PARP4: variants seen among roughly 807,000 people sequenced by gnomAD.
The protein encoded by PARP4 is poly(ADP-ribose) polymerase family member 4.
A neutral mutation model predicts 187.7 loss-of-function variants in PARP4; 120 were observed. The ratio of observed to expected loss-of-function variants is 0.64; its 90% CI spans 0.55 to 0.74. The LOEUF (loss-of-function observed/expected upper bound fraction) is 0.74. PARP4 is among the 30% of genes least tolerant of loss of function. The probability of loss-of-function intolerance (pLI) is 0.00; values close to 1 mark genes in which losing one functional copy is unlikely to be tolerated. For missense variants in PARP4, 1,836 were observed against 2,070.5 expected, an observed-to-expected ratio of 0.89 and a Z score of 2.20; for synonymous variants, 654 against 740.9, an observed-to-expected ratio of 0.88 and a Z score of 1.90.
At chr13:24,462,573 T>A (rs899472034) in intron 17 of PARP4, among the ~76,000 whole-genome samples, 2 of 152,168 alleles carry the variant, frequency 1.3e-5, no homozygotes, top group East Asian at 1.9e-4. Context: ...AATGTCAAGA[T>A]AAAGCAATTA....
Position 24,455,164 on chromosome 13 carries a change from G to T in PARP4, c.2611C>A (p.Leu871Ile), listed in dbSNP as rs756197856. Residue 871 changes from leucine (L) to isoleucine (I), a missense_variant, in exon 22 of 34, where the codon CTA (leucine) becomes ATA (isoleucine). Physicochemically the swap from Leu to Ile is conservative, Grantham distance 5. Transcript: ENST00000381989. ...QPDLDVDLPDLASESEVIICL... is the reference protein window; with the variant it reads ...QPDLDVDLPDIASESEVIICL... ...ATAATCACTTCGCTCTCACTGGCTAGGTCAGGGAGGTCGACATCGAGATCG... is the reference window on the plus strand; with the variant it reads ...ATAATCACTTCGCTCTCACTGGCTATGTCAGGGAGGTCGACATCGAGATCG... 49 of 1,603,208 alleles carry T rather than the reference G, an allele frequency of 3.1e-5. No homozygotes were observed. Among genetic ancestry groups the T allele is most frequent in the Non-Finnish European group, 4.1e-5 (48 of 1,171,362 alleles).
rs530637126 is a variant in PARP4, at chr13:24,456,815, G to A, written c.2425-337C>T. On this transcript the variant is annotated intron_variant, in intron 20 of 33. Coordinates refer to ENST00000381989, the MANE Select transcript of PARP4 (RefSeq NM_006437.4). ...GTCAGGAGGCTGAGGCAGGAGAATCGCTTGAACCCAGGAGGTAAAGGTTGC... is the reference window on the plus strand; with the variant it reads ...GTCAGGAGGCTGAGGCAGGAGAATCACTTGAACCCAGGAGGTAAAGGTTGC... Among the ~76,000 whole-genome samples, 4 of 152,140 alleles carry A rather than the reference G, an allele frequency of 2.6e-5. No individual in the cohort carries two copies. The South Asian group carries it at 6.2e-4, about 24-fold the overall frequency.
In PARP4 at chr13:24,452,436, G is replaced by A. The variant is rs143295364; in HGVS notation, c.2984C>T (p.Pro995Leu). The change falls in exon 24 of 34, where the codon CCG becomes CTG. Residue 995 changes from proline to leucine, a missense_variant. Physicochemically the swap from Pro to Leu is moderately conservative, Grantham distance 98. This residue lies in a region of PARP4 where 1,147 missense variants were observed against 1,214.2 expected (regional missense o/e 0.94). Coordinates refer to ENST00000381989, the MANE Select transcript of PARP4 (RefSeq NM_006437.4). Reference protein sequence around the residue: ...LTLQLVKRSRPHTRLFACGIG... With the variant: ...LTLQLVKRSRLHTRLFACGIG... ...ACCGCAGGCGAATAACCTGGTGTGC[G>A]GGCGGCTCCTCTTCACGAGCTGTAA... 292 of 1,613,748 alleles carry A rather than the reference G, an allele frequency of 1.8e-4. No homozygotes were observed. In the African/African-American group the frequency reaches 2.9e-3, roughly 16 times the overall value.
rs546758135 is a variant in PARP4 at position 24,425,340 on chromosome 13, T to C, written c.4979+1126A>G. ...TAAATATCAATCTTATGCATTATTA[T>C]GTAAAATATTTACACAGTTCCAAAG... On this transcript the variant is annotated intron_variant, in intron 33 of 33. Transcript: ENST00000381989. Among the ~76,000 whole-genome samples, 255 of 152,310 alleles carry C rather than the reference T, an allele frequency of 1.7e-3. 2 individuals carry two copies. Among genetic ancestry groups the C allele is most frequent in the African/African-American group, 5.9e-3 (244 of 41,572 alleles).
intron 31 of PARP4, among the ~76,000 whole-genome samples, chr13:24,433,183 A>G (rs1446337729): frequency 6.6e-6 from 1 of 152,202 alleles, no homozygotes; most frequent in Non-Finnish European, 1.5e-5. Context: ...AAGTAGCAGA[A>G]TATGTTCCAT....
intron 15 of PARP4, among the ~76,000 whole-genome samples, chr13:24,470,536 C>T (rs555010728): frequency 6.6e-6 from 1 of 152,244 alleles, no homozygotes; most frequent in African/African-American, 2.4e-5. Flanking sequence ...CTCCACTACT[C>T]TCTGTTGTCT....
intron 20 of PARP4, among the ~76,000 whole-genome samples, chr13:24,458,411 G>GT (rs202018235): frequency 0.12 from 17,795 of 144,662 alleles, 1,156 homozygotes; most frequent in African/African-American, 0.16. Flanking sequence ...ACTCAGCCAA[G>GT]TTTTTTTTTT....
At chr13:24,474,343 G>A in intron 15 of PARP4, among the ~76,000 whole-genome samples, 1 of 125,866 alleles carries the variant, frequency 7.9e-6, no homozygotes, top group African/African-American at 2.7e-5. Context: ...ATGTGACGTT[G>A]GGCCTGCTGT....
chr13:24,494,405 G>A (rs750976194), intron 7 of PARP4, among the ~76,000 whole-genome samples, 168 bp downstream of exon 7: 3 of 152,136 alleles, frequency 2.0e-5, no homozygotes, highest in African/African-American at 4.8e-5. Context: ...TGTTGCCAAG[G>A]CTGGTCTTGA....
intron 17 of PARP4, 100 bp from the exon 18 acceptor site, chr13:24,460,236 C>T (rs1872141830): frequency 3.1e-6 from 3 of 954,008 alleles, no homozygotes; most frequent in Non-Finnish European, 4.8e-6. Context: ...TGACAACCTG[C>T]CAAATTCTTC....
intron 25 of PARP4, 23 bp downstream of exon 25, chr13:24,449,695 A>G: frequency 3.3e-6 from 4 of 1,195,338 alleles, no homozygotes; most frequent in Non-Finnish European, 5.0e-6. Context: ...ATAAATATAA[A>G]ACCAGATGTT....
At position 24,435,467 on chromosome 13, in the gene PARP4, A is replaced by G. The variant is rs1212118726; in HGVS notation, c.3674T>C (p.Leu1225Ser). The G allele has an allele frequency of 1.3e-5, 20 of 1,586,258 alleles. No individual in the cohort carries two copies. The highest frequency in any genetic ancestry group is 1.8e-5 in the Admixed American group (1 of 54,292). Residue 1225 changes from leucine to serine, a missense_variant, in exon 31 of 34, where the codon TTA (leucine) becomes TCA (serine). Coordinates refer to ENST00000381989, the MANE Select transcript of PARP4 (RefSeq NM_006437.4). ...PQEAVRNQSL[L>S]ASSEWPELRL... Reference sequence around the variant, plus strand: ...TAATTCTGGCCACTCAGAGGATGCTAAAAGAGACTGCCCAGAAGACAGAAT... The same window carrying G: ...TAATTCTGGCCACTCAGAGGATGCTGAAAGAGACTGCCCAGAAGACAGAAT...
At position 24,492,497 on chromosome 13, in the gene PARP4, C is replaced by T. The variant is rs1868714386; in HGVS notation, c.977G>A (p.Arg326Lys). 12 of 1,613,890 alleles carry T rather than the reference C, an allele frequency of 7.4e-6. No homozygotes were observed. The highest frequency in any genetic ancestry group is 9.3e-6 in the Non-Finnish European group (11 of 1,179,892). ...QLQKMMTEFY[R>K]LIPHKGTMPK... ...CATTGTGCCTTTGTGAGGTATCAGT[C>T]TGTAAAACTCTGTCATCATCTTTTG... Residue 326 changes from arginine (R) to lysine (K), a missense_variant, in exon 9 of 34, where the codon AGA (arginine) becomes AAA (lysine). Physicochemically the swap from Arg to Lys is conservative, Grantham distance 26 (BLOSUM62 2). Transcript: ENST00000381989.
Position 24,421,169 on chromosome 13 carries a change from T to C in PARP4, c.5125A>G (p.Ile1709Val), listed in dbSNP as rs1869723239. The change falls in exon 34 of 34, where the codon ATA (isoleucine) becomes GTA (valine). Residue 1709 changes from isoleucine to valine, a missense_variant. By Grantham distance (29) the Ile-to-Val change is conservative. This residue lies in a region of PARP4 where 29 missense variants were observed against 81.3 expected (regional missense o/e 0.36). Coordinates refer to ENST00000381989, the MANE Select transcript of PARP4 (RefSeq NM_006437.4). ...ATKQLLGLQP[I>V]STVSPLHRVL... is the part of the protein sequence containing the mutation. Reference sequence around the variant, plus strand: ...CTATGAAGAGGGGACACAGTGCTTATGGGCTGGAGTCCCAGCAACTGCTTG... The same window carrying C: ...CTATGAAGAGGGGACACAGTGCTTACGGGCTGGAGTCCCAGCAACTGCTTG... 2.0e-6 allele frequency: 3 copies of C among 1,479,244 alleles called. No homozygotes were observed. Among genetic ancestry groups the C allele is most frequent in the South Asian group, 2.8e-5 (2 of 72,502 alleles). 91.6% of individuals were successfully genotyped at this position (1,479,244 alleles called of 1,614,324 possible). A position where few individuals can be genotyped will look rare whatever the true frequency, so the allele number is the denominator to read the frequency against.
chr13:24,447,163 T>C lies in PARP4; in HGVS notation c.3138A>G (p.Leu1046=), dbSNP rs140013791. Residue 1046 remains leucine (L), a synonymous_variant, in exon 26 of 34, where the codon CTA becomes CTG. Transcript: ENST00000381989. ...AGACAGAGTGGCAACTCGGAGAACATAGCCTGGTCATTTGGTCTTCTATCT... is the reference window on the plus strand; with the variant it reads ...AGACAGAGTGGCAACTCGGAGAACACAGCCTGGTCATTTGGTCTTCTATCT... ...RKQIEDQMTR[L]CSPSCHSVSV... The C allele has an allele frequency of 2.8e-5, 45 of 1,609,776 alleles. No homozygotes were observed. The highest frequency in any genetic ancestry group is 1.1e-4 in the African/African-American group (8 of 74,816).
chr13:24,444,716 A>ATT (rs1871124138), intron 27 of PARP4, among the ~76,000 whole-genome samples: 1 of 152,224 alleles, frequency 6.6e-6, no homozygotes, highest in Non-Finnish European at 1.5e-5. Flanking sequence ...TCTTTGGCAT[A>ATT]TTTTGAGATG....
chr13:24,459,353 A>T (rs1872064761), intron 18 of PARP4, 43 bp from the exon 19 acceptor site: 1 of 1,471,448 alleles, frequency 6.8e-7, no homozygotes, highest in Non-Finnish European at 9.2e-7. Flanking sequence ...GCATATATTA[A>T]GTTTCACAAT....
chr13:24,494,768 T>C, intron 6 of PARP4, 46 bp from the exon 7 acceptor site: 4 of 1,362,348 alleles, frequency 2.9e-6, no homozygotes, highest in Non-Finnish European at 4.1e-6. Flanking sequence ...TATTTACATA[T>C]CTAGCTTTAT....
At chr13:24,499,170 ACTATATGATATTCAGG>A (rs1394842898) in intron 5 of PARP4, 115 bp downstream of exon 5, 1 of 862,026 alleles carries the variant, frequency 1.2e-6, no homozygotes, top group Non-Finnish European at 1.6e-6. Context: ...TATTTTAAGG[ACTATATGATATTCAGG>A]ATATGCATAA....
Sources: allele counts gnomAD v4.1 joint callset (sites outside exome capture counted in the v4.1 genomes callset), GRCh38; gene constraint gnomAD v4.1.1; regional missense constraint gnomAD v4.1.1; transcripts MANE v1.5; gene names NCBI Gene and HGNC (gene_info 2026-07-23, HGNC 2026-07-21).